Variants in ZBTB20 observed in about 807,000 individuals in gnomAD.
ZBTB20 encodes zinc finger and BTB domain containing 20.
ZBTB20 carries 9 observed loss-of-function variants against 56.9 expected under a neutral mutation model. The observed-to-expected ratio is 0.16, with a 90% CI of 0.10 to 0.28. The LOEUF (loss-of-function observed/expected upper bound fraction) is 0.28, where lower values mean the gene tolerates loss of function less well. Among genes scored for constraint, ZBTB20 ranks in the 10% least tolerant of loss-of-function variants. The probability of loss-of-function intolerance (pLI) is 1.00; values close to 1 mark genes in which losing one functional copy is unlikely to be tolerated. For synonymous variants in ZBTB20, 417 were observed against 420.7 expected (o/e 0.99, Z 0.11); for missense variants, 655 against 1,003.0 (o/e 0.65, Z 4.69).
chr3:114,752,174 T>C (rs2067613079), intron 5 of ZBTB20, among the ~76,000 whole-genome samples: 1 of 151,938 alleles, frequency 6.6e-6, no homozygotes, highest in Admixed American at 6.6e-5. Flanking sequence ...GATATAGAAA[T>C]CCAATAATTT....
At chr3:115,110,223 A>G (rs1461009068) in intron 1 of ZBTB20, among the ~76,000 whole-genome samples, 1 of 152,158 alleles carries the variant, frequency 6.6e-6, no homozygotes, top group Non-Finnish European at 1.5e-5. Context: ...AAAAAAAAAA[A>G]AGAGTTGGAA....
chr3:114,995,366 A>C (rs570780631), intron 2 of ZBTB20, among the ~76,000 whole-genome samples: 1 of 152,080 alleles, frequency 6.6e-6, no homozygotes, highest in East Asian at 1.9e-4. Flanking sequence ...AATGACAAGC[A>C]TTGTGAGTTT....
chr3:114,329,331 T>A lies in ZBTB20; in HGVS notation c.*9674A>T, dbSNP rs1437753206. The A allele has an allele frequency of 1.3e-5, 2 of 152,196 alleles. No homozygotes were observed. Among genetic ancestry groups the A allele is most frequent in the East Asian group, 3.9e-4 (2 of 5,192 alleles). 9.4% of individuals were successfully genotyped at this position (152,196 alleles called of 1,614,324 possible). A position where few individuals can be genotyped will look rare whatever the true frequency, so the allele number is the denominator to read the frequency against. ...AAACCTGACTTCATTTTGTCCTGAATGTAGAAGTGAAGAAGGACACTAGTT... is the reference window on the plus strand; with the variant it reads ...AAACCTGACTTCATTTTGTCCTGAAAGTAGAAGTGAAGAAGGACACTAGTT... On this transcript the variant is annotated 3_prime_UTR_variant, in exon 12 of 12. Coordinates refer to ENST00000675478, the MANE Select transcript of ZBTB20 (RefSeq NM_001348800.3).
chr3:114,452,433 T>G (rs1201460347), intron 7 of ZBTB20, among the ~76,000 whole-genome samples: 11 of 152,174 alleles, frequency 7.2e-5, no homozygotes, highest in Non-Finnish European at 1.5e-5. Flanking sequence ...ACTTCTAATA[T>G]CTTTCAGTGA....
At chr3:114,470,508 C>T (rs766818970) in intron 7 of ZBTB20, among the ~76,000 whole-genome samples, 26 of 151,986 alleles carry the variant, frequency 1.7e-4, no homozygotes, top group African/African-American at 5.6e-4. Context: ...CTCTCAATTT[C>T]CAGGAAATAT....
intron 1 of ZBTB20, among the ~76,000 whole-genome samples, chr3:115,110,915 G>C (rs1029919817): frequency 2.0e-5 from 3 of 151,886 alleles, no homozygotes; most frequent in Non-Finnish European, 4.4e-5. Flanking sequence ...ACTTGAACCT[G>C]GGAGGCAGAG....
chr3:114,505,111 T>C (rs951120272), intron 6 of ZBTB20, among the ~76,000 whole-genome samples: 1 of 152,146 alleles, frequency 6.6e-6, no homozygotes, highest in Non-Finnish European at 1.5e-5. Flanking sequence ...TATACCCATT[T>C]TATGGTGAGG....
intron 2 of ZBTB20, among the ~76,000 whole-genome samples, chr3:115,044,022 G>A (rs2081248714): frequency 6.6e-6 from 1 of 152,126 alleles, no homozygotes; most frequent in South Asian, 2.1e-4. Flanking sequence ...TTTGCCATGT[G>A]AAGTACCTGC....
intron 3 of ZBTB20, among the ~76,000 whole-genome samples, chr3:114,957,841 A>G (rs1012015540): frequency 6.6e-6 from 1 of 152,218 alleles, no homozygotes; most frequent in Admixed American, 6.6e-5. Flanking sequence ...CTCCAGGATG[A>G]ATGGAGGTCA....
intron 6 of ZBTB20, chr3:114,519,827 A>T (rs2046429579): frequency 6.6e-6 from 1 of 152,202 alleles, no homozygotes; most frequent in Admixed American, 6.5e-5. Context: ...GACAGCAGAG[A>T]TTACAACTAC....
At chr3:114,610,063 GCAGCAGCAGCAAAAGCAGCAA>G (rs1177503254) in intron 6 of ZBTB20, among the ~76,000 whole-genome samples, 5 of 152,132 alleles carry the variant, frequency 3.3e-5, no homozygotes, top group African/African-American at 1.2e-4. Flanking sequence ...CACAGCAGCA[GCAGCAGCAGCAAAAGCAGCAA>G]CAGCAGCAGC....
chr3:114,639,591 T>C (rs2059447799), intron 6 of ZBTB20, among the ~76,000 whole-genome samples: 1 of 152,088 alleles, frequency 6.6e-6, no homozygotes, highest in African/African-American at 2.4e-5. Flanking sequence ...GACATTTTTT[T>C]AGGAACAAAT....
chr3:114,408,069 A>G (rs984444379), intron 7 of ZBTB20, among the ~76,000 whole-genome samples: 3 of 152,330 alleles, frequency 2.0e-5, no homozygotes, highest in African/African-American at 7.2e-5. Flanking sequence ...TCACGTTTTC[A>G]GCTCATTCTA....
intron 1 of ZBTB20, among the ~76,000 whole-genome samples, chr3:115,085,656 G>C (rs1370935715): frequency 6.6e-6 from 1 of 151,960 alleles, no homozygotes; most frequent in Non-Finnish European, 1.5e-5. Flanking sequence ...ACATTAATAA[G>C]AGTTGTGTGC....
chr3:114,433,621 G>A (rs761315455), intron 7 of ZBTB20, among the ~76,000 whole-genome samples: 14 of 152,100 alleles, frequency 9.2e-5, no homozygotes, highest in Non-Finnish European at 1.9e-4. Flanking sequence ...TTTTATTTCT[G>A]ATGGCACATT....
At chr3:115,142,591 G>A (rs1217566457) in intron 1 of ZBTB20, among the ~76,000 whole-genome samples, 1 of 151,588 alleles carries the variant, frequency 6.6e-6, no homozygotes, top group Non-Finnish European at 1.5e-5. Context: ...TTGAATCTGG[G>A]AGGGGAGGCT....
intron 3 of ZBTB20, among the ~76,000 whole-genome samples, chr3:114,948,890 C>A (rs1259889714): frequency 6.9e-6 from 1 of 145,854 alleles, no homozygotes; most frequent in Non-Finnish European, 1.5e-5. Flanking sequence ...CCATCTCAAT[C>A]AAAATCCCAG....
At chr3:114,894,681 G>A (rs983049552) in intron 4 of ZBTB20, among the ~76,000 whole-genome samples, 32 of 152,156 alleles carry the variant, frequency 2.1e-4, no homozygotes, top group African/African-American at 5.8e-4. Flanking sequence ...GACATAGGAA[G>A]GAGATGGCCA....
At chr3:115,086,793 C>T (rs2083001979) in intron 1 of ZBTB20, among the ~76,000 whole-genome samples, 1 of 151,788 alleles carries the variant, frequency 6.6e-6, no homozygotes, top group African/African-American at 2.4e-5. Flanking sequence ...GTGATGGCAT[C>T]ACTTCTAAGT....
Sources: allele counts gnomAD v4.1 joint callset (sites outside exome capture counted in the v4.1 genomes callset), GRCh38; gene constraint gnomAD v4.1.1; transcripts MANE v1.5; gene names NCBI Gene and HGNC (gene_info 2026-07-23, HGNC 2026-07-21).